IQCM: variants seen among roughly 807,000 people sequenced by gnomAD.
IQCM encodes the protein IQ motif containing M, also known as IQ domain-containing protein M.
Under a neutral mutation model 57.6 loss-of-function variants are expected in IQCM, and 45 were observed. The ratio of observed to expected loss-of-function variants is 0.78; its 90% CI spans 0.62 to 1.00. The LOEUF (loss-of-function observed/expected upper bound fraction) is 1.00. Among genes scored for constraint, IQCM ranks in the 50% least tolerant of loss-of-function variants. The probability of loss-of-function intolerance (pLI) is 0.00; values close to 1 mark genes in which losing one functional copy is unlikely to be tolerated. For missense variants in IQCM, 468 were observed against 511.6 expected, an observed-to-expected ratio of 0.91 and a Z score of 0.82; for synonymous variants, 148 against 158.9, an observed-to-expected ratio of 0.93 and a Z score of 0.51.
intron 12 of IQCM, among the ~76,000 whole-genome samples, chr4:149,441,957 C>T (rs1735984892): frequency 6.6e-6 from 1 of 152,070 alleles, no homozygotes; most frequent in Non-Finnish European, 1.5e-5. Flanking sequence ...ACCATGTAAT[C>T]ATAGATTAAG....
intron 12 of IQCM, among the ~76,000 whole-genome samples, chr4:149,455,565 T>C (rs1431487560): frequency 6.6e-6 from 1 of 152,108 alleles, no homozygotes; most frequent in African/African-American, 2.4e-5. Context: ...TATTCCTTTG[T>C]TGAGCAAACT....
intron 4 of IQCM, among the ~76,000 whole-genome samples, chr4:149,734,748 CT>C (rs1165616974): frequency 6.6e-6 from 1 of 152,080 alleles, no homozygotes; most frequent in African/African-American, 2.4e-5. Flanking sequence ...TATAGATGCT[CT>C]CCTCCAAAAT....
intron 13 of IQCM, among the ~76,000 whole-genome samples, chr4:149,406,277 T>C (rs1732974774): frequency 6.6e-6 from 1 of 152,052 alleles, no homozygotes; most frequent in Admixed American, 6.6e-5. Context: ...CATGATATGG[T>C]GACAAATGCT....
intron 9 of IQCM, among the ~76,000 whole-genome samples, chr4:149,571,382 T>C (rs1751143605): frequency 6.6e-6 from 1 of 152,074 alleles, no homozygotes; most frequent in Non-Finnish European, 1.5e-5. Context: ...AAGTGAAATA[T>C]GCCAGATACA....
At chr4:149,660,821 A>G (rs981090726) in intron 7 of IQCM, among the ~76,000 whole-genome samples, 3 of 145,380 alleles carry the variant, frequency 2.1e-5, no homozygotes, top group African/African-American at 7.5e-5. Context: ...ATCACACTCT[A>G]GGGACTGTTG....
intron 12 of IQCM, among the ~76,000 whole-genome samples, chr4:149,448,835 C>CATTCTATGTGT (rs1225352752): frequency 6.6e-6 from 1 of 151,726 alleles, no homozygotes; most frequent in Non-Finnish European, 1.5e-5. Context: ...TGGTTAAGCA[C>CATTCTATGTGT]CTTCCCACAA....
intron 8 of IQCM, among the ~76,000 whole-genome samples, chr4:149,612,462 T>C (rs1198472219): frequency 1.3e-5 from 2 of 152,172 alleles, no homozygotes; most frequent in Non-Finnish European, 2.9e-5. Context: ...TTTACAACCT[T>C]TGTGAAACAA....
rs543588041 is a variant in IQCM at position 149,623,751 on chromosome 4, G to GTGTA, written c.566-2508_566-2507insTACA. On this transcript the variant is annotated intron_variant, in intron 7 of 13. Coordinates refer to ENST00000636793, the MANE Select transcript of IQCM (RefSeq NM_001363507.2). ...TGTGTGTGTGTGTGTGTGTGTGTGT[G>GTGTA]TACACATGTGCACAAGAGTAGGCTG... 2.1e-3 allele frequency among the ~76,000 whole-genome samples: 311 copies of GTGTA among 151,324 alleles called. 1 individual carries two copies. The highest frequency in any genetic ancestry group is 7.2e-3 in the African/African-American group (298 of 41,124).
chr4:149,545,817 TA>T (rs1183570265), intron 12 of IQCM, among the ~76,000 whole-genome samples: 3 of 141,650 alleles, frequency 2.1e-5, no homozygotes, highest in Non-Finnish European at 3.2e-5. Context: ...AAAAAAGTGG[TA>T]TTTTTTTTTT....
intron 2 of IQCM, among the ~76,000 whole-genome samples, chr4:149,766,033 G>T (rs1285485464): frequency 6.6e-6 from 1 of 152,052 alleles, no homozygotes; most frequent in Non-Finnish European, 1.5e-5. Flanking sequence ...TCTCAGGGAG[G>T]TGAATTTGAG....
rs879453030 is a variant in IQCM, at chr4:149,726,123, GAAAGAAA to G, written c.385+7114_385+7120del. 2.4e-3 allele frequency among the ~76,000 whole-genome samples: 344 copies of G among 145,952 alleles called. 4 individuals carry two copies. The highest frequency in any genetic ancestry group is 4.4e-3 in the Admixed American group (64 of 14,646). On this transcript the variant is annotated intron_variant, in intron 5 of 13. Coordinates refer to ENST00000636793, the MANE Select transcript of IQCM (RefSeq NM_001363507.2). ...AGAAAGAAAGAAAGAAAGAAAGAAA[GAAAGAAA>G]GAAAGAAAGAAAAGAAAGAAAGAAA... is the stretch of plus-strand genomic sequence containing the variant.
At chr4:149,515,071 CGT>C (rs58534209) in intron 12 of IQCM, among the ~76,000 whole-genome samples, 5,580 of 142,864 alleles carry the variant, frequency 0.039, 195 homozygotes, top group African/African-American at 0.11. Flanking sequence ...TATATATACA[CGT>C]GTGTGTGTGT....
At chr4:149,797,804 A>C (rs1773246783) in intron 2 of IQCM, among the ~76,000 whole-genome samples, 1 of 152,014 alleles carries the variant, frequency 6.6e-6, no homozygotes, top group Non-Finnish European at 1.5e-5. Flanking sequence ...GAAAAAAAAA[A>C]ACTTTTTCTC....
intron 9 of IQCM, among the ~76,000 whole-genome samples, chr4:149,566,023 G>C (rs1393049908): frequency 6.6e-6 from 1 of 152,138 alleles, no homozygotes; most frequent in Non-Finnish European, 1.5e-5. Context: ...AGGAAACAAA[G>C]TTTTGTATTT....
At chr4:149,389,897 C>T (rs1338794082) in intron 13 of IQCM, among the ~76,000 whole-genome samples, 4 of 151,970 alleles carry the variant, frequency 2.6e-5, no homozygotes, top group Non-Finnish European at 4.4e-5. Flanking sequence ...AAGAATCCTC[C>T]AATTCAAATG....
chr4:149,575,331 T>C (rs1415561417), intron 9 of IQCM, among the ~76,000 whole-genome samples: 1 of 151,862 alleles, frequency 6.6e-6, no homozygotes, highest in Non-Finnish European at 1.5e-5. Flanking sequence ...GCTCGTGAAA[T>C]TCATCTTTTG....
intron 13 of IQCM, among the ~76,000 whole-genome samples, chr4:149,367,644 T>C (rs1244826459): frequency 6.6e-6 from 1 of 152,030 alleles, no homozygotes; most frequent in Admixed American, 6.6e-5. Flanking sequence ...TTCAGTATGC[T>C]CTTATTTCCA....
At chr4:149,478,731 C>T (rs1166047886) in intron 12 of IQCM, among the ~76,000 whole-genome samples, 2 of 152,058 alleles carry the variant, frequency 1.3e-5, no homozygotes, top group African/African-American at 4.8e-5. Context: ...CGATCCTGTA[C>T]ATGAGAATCT....
intron 8 of IQCM, among the ~76,000 whole-genome samples, chr4:149,604,748 A>C (rs1450349524): frequency 6.6e-6 from 1 of 152,202 alleles, no homozygotes; most frequent in Non-Finnish European, 1.5e-5. Flanking sequence ...CATGTTCAGT[A>C]ACAGATGTTT....
Sources: allele counts gnomAD v4.1 joint callset (sites outside exome capture counted in the v4.1 genomes callset), GRCh38; gene constraint gnomAD v4.1.1; transcripts MANE v1.5; gene names NCBI Gene and HGNC (gene_info 2026-07-23, HGNC 2026-07-21).